Variants in KBTBD3 observed in about 807,000 individuals in gnomAD.
KBTBD3 encodes kelch repeat and BTB domain containing 3.
Under a neutral mutation model 49.6 loss-of-function variants are expected in KBTBD3, and 38 were observed. The observed-to-expected ratio is 0.77, with a 90% confidence interval of 0.59 to 1.00. The LOEUF is 1.00. Among genes scored for constraint, KBTBD3 ranks in the 50% least tolerant of loss-of-function variants. The pLI is 0.00. For synonymous variants in KBTBD3, 214 were observed against 250.4 expected (o/e 0.85, Z 1.37); for missense variants, 661 against 712.0 (o/e 0.93, Z 0.81).
chr11:106,070,483 C>T (rs1055335229), intron 2 of KBTBD3, among the ~76,000 whole-genome samples: 6 of 151,924 alleles, frequency 3.9e-5, no homozygotes, highest in Non-Finnish European at 5.9e-5. Flanking sequence ...GGCAAATAAG[C>T]ACATGAAAAG....
intron 2 of KBTBD3, among the ~76,000 whole-genome samples, chr11:106,060,686 G>T (rs899193348): frequency 4.6e-5 from 7 of 152,106 alleles, no homozygotes; most frequent in African/African-American, 9.7e-5. Flanking sequence ...AACCATAAGA[G>T]ACCTGGAAGA....
At chr11:106,059,461 T>C (rs1420527145) in intron 2 of KBTBD3, among the ~76,000 whole-genome samples, 1 of 152,160 alleles carries the variant, frequency 6.6e-6, no homozygotes, top group Non-Finnish European at 1.5e-5. Context: ...CTAACATAGT[T>C]TTGAGTATAT....
chr11:106,074,346 G>A (rs929061157), intron 2 of KBTBD3, among the ~76,000 whole-genome samples: 9 of 151,970 alleles, frequency 5.9e-5, no homozygotes, highest in Non-Finnish European at 8.8e-5. Context: ...TCCAGTTATC[G>A]TCTCAACCCA....
rs945004649 is a variant in KBTBD3, at chr11:106,053,518, T to A, written c.1171A>T (p.Thr391Ser). The A allele has an allele frequency of 4.3e-6, 7 of 1,613,738 alleles. No homozygotes were observed. Among genetic ancestry groups the A allele is most frequent in the Non-Finnish European group, 5.1e-6 (6 of 1,179,838 alleles). Reference sequence around the variant, plus strand: ...ACTGATGTATGCATGGTTCTTGGTGTTTTCATAGTTGATACCAAGAAGAAA... The same window carrying A: ...ACTGATGTATGCATGGTTCTTGGTGATTTCATAGTTGATACCAAGAAGAAA... ...NDFFLVSTMKTPRTMHTSVMA... is the reference protein window; with the variant it reads ...NDFFLVSTMKSPRTMHTSVMA... Residue 391 changes from threonine to serine, a missense_variant, in exon 4 of 4, where the codon ACA becomes TCA. By Grantham distance (58) the Thr-to-Ser change is moderately conservative (BLOSUM62 1). Coordinates refer to ENST00000531837, the MANE Select transcript of KBTBD3 (RefSeq NM_198439.3).
chr11:106,056,369 C>T (rs1860552600), intron 3 of KBTBD3, among the ~76,000 whole-genome samples: 1 of 152,096 alleles, frequency 6.6e-6, no homozygotes, highest in Admixed American at 6.6e-5. Context: ...CTATAAAAAA[C>T]TAGCAGTAAG....
intron 2 of KBTBD3, among the ~76,000 whole-genome samples, chr11:106,074,650 G>T (rs4237618): frequency 6.6e-6 from 1 of 152,070 alleles, no homozygotes; most frequent in Non-Finnish European, 1.5e-5. Flanking sequence ...TTGTGCTTAT[G>T]GCATAGAAGA....
Position 106,053,231 on chromosome 11 carries a change from C to A in KBTBD3, c.1458G>T (p.Trp486Cys), listed in dbSNP as rs567227724. The A allele has an allele frequency of 1.2e-6, 2 of 1,613,650 alleles. No individual in the cohort carries two copies. Among genetic ancestry groups the A allele is most frequent in the African/African-American group, 2.7e-5 (2 of 75,000 alleles). ...FFKYNATTDQ[W>C]SELVAEFGQF... ...GCCCAAACTCTGCTACTAGTTCAGA[C>A]CACTGATCAGTTGTAGCATTGTATT... is the stretch of plus-strand genomic sequence containing the variant. Residue 486 changes from tryptophan (W) to cysteine (C), a missense_variant, in exon 4 of 4, where the codon TGG becomes TGT. Transcript: ENST00000531837.
rs1295744211 is a variant in KBTBD3, at chr11:106,052,159, A to C, written c.*691T>G. Reference sequence around the variant, plus strand: ...AATGTTAATTTACTAAGATTGAACCAGAAAATGAGAGGGGGGGAGGAGAGA... The same window carrying C: ...AATGTTAATTTACTAAGATTGAACCCGAAAATGAGAGGGGGGGAGGAGAGA... On this transcript the variant is annotated 3_prime_UTR_variant, in exon 4 of 4. Coordinates refer to ENST00000531837, the MANE Select transcript of KBTBD3 (RefSeq NM_198439.3). 2.0e-5 allele frequency: 3 copies of C among 151,786 alleles called. No individual in the cohort carries two copies. The highest frequency in any genetic ancestry group is 2.0e-4 in the Admixed American group (3 of 15,184). 9.4% of individuals were successfully genotyped at this position (151,786 alleles called of 1,614,324 possible). A position where few individuals can be genotyped will look rare whatever the true frequency, so the allele number is the denominator to read the frequency against.
chr11:106,068,224 A>G (rs1860848690), intron 2 of KBTBD3, among the ~76,000 whole-genome samples: 1 of 152,216 alleles, frequency 6.6e-6, no homozygotes, highest in Admixed American at 6.5e-5. Flanking sequence ...ATAGAGCTCA[A>G]CAACACCATC....
chr11:106,058,744 T>A (rs1013538181), intron 3 of KBTBD3, 121 bp downstream of exon 3: 1 of 687,538 alleles, frequency 1.5e-6, no homozygotes, highest in African/African-American at 1.9e-5. Context: ...TTGTTTTTGT[T>A]TTTTTTTTTA....
chr11:106,065,493 G>A (rs1479949910), intron 2 of KBTBD3, among the ~76,000 whole-genome samples: 1 of 152,142 alleles, frequency 6.6e-6, no homozygotes, highest in Non-Finnish European at 1.5e-5. Context: ...AGGAAAACCA[G>A]GAGAGGCAGT....
rs1468655317 is a variant in KBTBD3 at position 106,051,546 on chromosome 11, A to G, written c.*1304T>C. 6.6e-6 allele frequency: 1 copy of G among 151,920 alleles called. No individual in the cohort carries two copies. Among genetic ancestry groups the G allele is most frequent in the Non-Finnish European group, 1.5e-5 (1 of 67,844 alleles). 9.4% of individuals were successfully genotyped at this position (151,920 alleles called of 1,614,324 possible). On this transcript the variant is annotated 3_prime_UTR_variant, in exon 4 of 4. Transcript: ENST00000531837. ...GATTAACATTTACAACTGAGTGTAG[A>G]AAACTACATTTGGTTCCAGAGAAGT...
intron 2 of KBTBD3, among the ~76,000 whole-genome samples, chr11:106,065,345 T>C (rs1024282690): frequency 1.3e-5 from 2 of 152,160 alleles, no homozygotes; most frequent in Non-Finnish European, 2.9e-5. Context: ...ACACATGTTA[T>C]CTGTGGAGCA....
rs1555074893 is a variant in KBTBD3, at chr11:106,058,596, G to A, written c.233+269C>T. The A allele has an allele frequency of 1.6e-5, 6 of 367,008 alleles. No individual in the cohort carries two copies. The South Asian group carries it at 1.8e-4, about 11-fold the overall frequency. The allele number at this position is 367,008 out of a possible 1,614,324, so 22.7% of individuals were successfully genotyped here. ...ACGCCATTGCGACCGGCTAATTTTT[G>A]TATTTTTAGTAGAGACGGAGTTTCA... is the stretch of plus-strand genomic sequence containing the variant. On this transcript the variant is annotated intron_variant, in intron 3 of 3. Coordinates refer to ENST00000531837, the MANE Select transcript of KBTBD3 (RefSeq NM_198439.3).
chr11:106,072,008 T>C (rs1860927291), intron 2 of KBTBD3, among the ~76,000 whole-genome samples: 1 of 152,228 alleles, frequency 6.6e-6, no homozygotes, highest in Non-Finnish European at 1.5e-5. Flanking sequence ...TGCTATTTCA[T>C]TGATTTTAAG....
chr11:106,052,345 T>C lies in KBTBD3; in HGVS notation c.*505A>G, dbSNP rs1860435113. On this transcript the variant is annotated 3_prime_UTR_variant, in exon 4 of 4. Transcript: ENST00000531837. Reference sequence around the variant, plus strand: ...GTTAAACTATGTTTAGTGTACTATTTATAAAGCTGGGAGAATTATTTCTGA... The same window carrying C: ...GTTAAACTATGTTTAGTGTACTATTCATAAAGCTGGGAGAATTATTTCTGA... 1 of 152,596 alleles carries C rather than the reference T, an allele frequency of 6.6e-6. No individual in the cohort carries two copies. The highest frequency in any genetic ancestry group is 2.1e-4 in the South Asian group (1 of 4,864). The allele number at this position is 152,596 out of a possible 1,614,324, so 9.5% of individuals were successfully genotyped here.
chr11:106,053,595 G>C lies in KBTBD3; in HGVS notation c.1094C>G (p.Ser365Ter). Residue 365 changes from serine to a stop codon, truncating the protein, a stop_gained, in exon 4 of 4, where the codon TCA (serine) becomes TGA (stop). Transcript: ENST00000531837. LOFTEE classifies it high-confidence loss of function. ...CRTVRLHIAE[S>*]YHDATDQTWC... The stretch of plus-strand genomic sequence containing the variant: ...GGTTTGATCAGTGGCATCATGATAT[G>C]ACTCGGCAATATGCAGTCGAACCGT... 6.2e-7 allele frequency: 1 copy of C among 1,613,826 alleles called. No homozygotes were observed. The highest frequency in any genetic ancestry group is 8.5e-7 in the Non-Finnish European group (1 of 1,179,888).
chr11:106,051,239 A>C lies in KBTBD3; in HGVS notation c.*1611T>G, dbSNP rs1161230945. 2.0e-5 allele frequency: 3 copies of C among 151,912 alleles called. No homozygotes were observed. The highest frequency in any genetic ancestry group is 4.4e-5 in the Non-Finnish European group (3 of 67,868). The allele number at this position is 151,912 out of a possible 1,614,324, so 9.4% of individuals were successfully genotyped here. ...TTTGTTTTCAAAGCCACACACACAC[A>C]AACAAAAGCCTCCACTGAATTTTCC... On this transcript the variant is annotated 3_prime_UTR_variant, in exon 4 of 4. Transcript: ENST00000531837.
In KBTBD3 at chr11:106,051,348, A is replaced by G. The variant is rs1860414778; in HGVS notation, c.*1502T>C. 6.6e-6 allele frequency: 1 copy of G among 151,970 alleles called. No homozygotes were observed. The allele number at this position is 151,970 out of a possible 1,614,324, so 9.4% of individuals were successfully genotyped here. On this transcript the variant is annotated 3_prime_UTR_variant, in exon 4 of 4. Transcript: ENST00000531837. ...CAATAAATACGTCATCTAATCAGGA[A>G]CAGTCCTTGATTTTTAAACTTCATG... is the stretch of plus-strand genomic sequence containing the variant.
Sources: allele counts gnomAD v4.1 joint callset (sites outside exome capture counted in the v4.1 genomes callset), GRCh38; gene constraint gnomAD v4.1.1; transcripts MANE v1.5; gene names NCBI Gene and HGNC (gene_info 2026-07-23, HGNC 2026-07-21).